Variants in MYPOP observed in about 807,000 individuals in gnomAD.
MYPOP encodes the protein Myb related transcription factor, partner of profilin, also known as myb-related transcription factor, partner of profilin.
In MYPOP, 21 loss-of-function variants were observed where a neutral mutation model predicts 25.7. That is an observed-to-expected ratio of 0.82 (90% CI 0.58 to 1.18). The LOEUF (loss-of-function observed/expected upper bound fraction) is 1.18, where lower values mean the gene tolerates loss of function less well. MYPOP is among the 50% of genes most tolerant of loss of function. The probability of loss-of-function intolerance (pLI) is 0.00; values close to 1 mark genes in which losing one functional copy is unlikely to be tolerated. For synonymous variants in MYPOP, 280 were observed against 247.9 expected, an observed-to-expected ratio of 1.13 and a Z score of -1.22; for missense variants, 566 against 588.3, an observed-to-expected ratio of 0.96 and a Z score of 0.39.
chr19:45,901,152 T>G lies in MYPOP; in HGVS notation c.499+123A>C. The G allele has an allele frequency of 5.3e-6, 5 of 946,798 alleles. No individual in the cohort carries two copies. Among genetic ancestry groups the G allele is most frequent in the Admixed American group, 4.1e-5 (1 of 24,606 alleles). The allele number at this position is 946,798 out of a possible 1,614,324, so 58.6% of individuals were successfully genotyped here. ...TCATTTCATTTTTCTGAGCTTCAGT[T>G]TCCCTAGCTATAAAATGGGGCGAAG... On this transcript the variant is annotated intron_variant, in intron 2 of 2. Transcript: ENST00000322217. This position sits in a 1 kb window ranked among gnomAD's most constrained non-coding sequence, Gnocchi z 5.7.
intron 2 of MYPOP, among the ~76,000 whole-genome samples, chr19:45,892,341 C>G: frequency 6.6e-6 from 1 of 152,146 alleles, no homozygotes; most frequent in African/African-American, 2.4e-5. Flanking sequence ...GTGGACACTT[C>G]CCTGAGACTC....
Position 45,890,700 on chromosome 19 carries a change from GAGGGAGCGGGGCT to G in MYPOP, c.1110_1122del (p.Ala371ArgfsTer31). ...CGCTTGTGTGGGGGGGAGTCGTGCG[GAGGGAGCGGGGCT>G]GGGGGGGGCCGGGGTGCCCCCTCCT... On this transcript the variant is annotated frameshift_variant, in exon 3 of 3. Coordinates refer to ENST00000322217, the MANE Select transcript of MYPOP (RefSeq NM_001012643.4). LOFTEE classifies it high-confidence loss of function. 6.3e-7 allele frequency: 1 copy of G among 1,596,396 alleles called. No individual in the cohort carries two copies. Among genetic ancestry groups the G allele is most frequent in the Non-Finnish European group, 8.5e-7 (1 of 1,170,556 alleles).
Position 45,890,197 on chromosome 19 carries a change from G to A in MYPOP, c.*426C>T, listed in dbSNP as rs191476044. 2.6e-4 allele frequency: 42 copies of A among 161,162 alleles called. No homozygotes were observed. In the East Asian group the frequency reaches 2.8e-3, roughly 11 times the overall value. The allele number at this position is 161,162 out of a possible 1,614,324, so 10.0% of individuals were successfully genotyped here. A position where few individuals can be genotyped will look rare whatever the true frequency, so the allele number is the denominator to read the frequency against. ...CACGGCTATATCCTCTTTGTCATCC[G>A]TATTTTGATTTGTCTTACAACTCCC... On this transcript the variant is annotated 3_prime_UTR_variant, in exon 3 of 3. Coordinates refer to ENST00000322217, the MANE Select transcript of MYPOP (RefSeq NM_001012643.4).
At chr19:45,892,603 C>G (rs1170332286) in intron 2 of MYPOP, among the ~76,000 whole-genome samples, 1 of 152,194 alleles carries the variant, frequency 6.6e-6, no homozygotes, top group Non-Finnish European at 1.5e-5. Context: ...CTCCCCCACC[C>G]TGCTCCTTCC....
At chr19:45,892,541 C>G (rs557876452) in intron 2 of MYPOP, among the ~76,000 whole-genome samples, 44 of 152,110 alleles carry the variant, frequency 2.9e-4, no homozygotes, top group Admixed American at 7.2e-4. Context: ...TGTGTACTCT[C>G]AATTGTCGAA....
In MYPOP at chr19:45,890,598, C is replaced by T. The variant is rs1967102708; in HGVS notation, c.*25G>A. The T allele has an allele frequency of 2.5e-6, 4 of 1,608,500 alleles. No individual in the cohort carries two copies. The highest frequency in any genetic ancestry group is 2.5e-6 in the Non-Finnish European group (3 of 1,177,386). ...TGCGCCAAGCTGGGGAGAGGGGTTG[C>T]AGGCAGGATCATAGATAGTAGATTT... On this transcript the variant is annotated 3_prime_UTR_variant, in exon 3 of 3. Transcript: ENST00000322217.
At chr19:45,895,478 CCTT>C (rs1299051287) in intron 2 of MYPOP, among the ~76,000 whole-genome samples, 1 of 151,986 alleles carries the variant, frequency 6.6e-6, no homozygotes. Flanking sequence ...GGCCCCATCT[CCTT>C]CTTTTTTTCT....
intron 2 of MYPOP, among the ~76,000 whole-genome samples, chr19:45,900,672 A>T (rs1333765148): frequency 6.6e-6 from 1 of 152,188 alleles, no homozygotes; most frequent in African/African-American, 2.4e-5. Flanking sequence ...AAGTTTCTGT[A>T]GTCAGCTCTC....
chr19:45,893,794 T>A (rs1967161430), intron 2 of MYPOP, among the ~76,000 whole-genome samples: 2 of 149,694 alleles, frequency 1.3e-5, no homozygotes, highest in Non-Finnish European at 3.0e-5. Flanking sequence ...TTTTACTTTT[T>A]TTTTTTTTTT....
chr19:45,898,786 C>T (rs1368053177), intron 2 of MYPOP, among the ~76,000 whole-genome samples: 2 of 152,096 alleles, frequency 1.3e-5, no homozygotes, highest in Admixed American at 1.3e-4. Flanking sequence ...TCAGAGAAGC[C>T]CTCCCTGATT....
At position 45,891,136 on chromosome 19, in the gene MYPOP, G is replaced by C; in HGVS notation, c.687C>G (p.Pro229=). ...SPPPPAPPLP[P]PPPLAQVAPS... is the part of the protein sequence containing the mutation. ...GTGCCACTTGGGCCAGTGGCGGTGGGGGTGGCAGTGGAGGGGCTGGGGGTG... is the reference window on the plus strand; with the variant it reads ...GTGCCACTTGGGCCAGTGGCGGTGGCGGTGGCAGTGGAGGGGCTGGGGGTG... Residue 229 remains proline, a synonymous_variant, in exon 3 of 3, where the codon CCC becomes CCG. Transcript: ENST00000322217. The C allele has an allele frequency of 2.0e-6, 3 of 1,489,882 alleles. No homozygotes were observed. The highest frequency in any genetic ancestry group is 2.6e-5 in the South Asian group (2 of 78,100). The allele number at this position is 1,489,882 out of a possible 1,614,324, so 92.3% of individuals were successfully genotyped here. A position where few individuals can be genotyped will look rare whatever the true frequency, so the allele number is the denominator to read the frequency against.
intron 2 of MYPOP, among the ~76,000 whole-genome samples, chr19:45,899,606 G>C (rs564385812): frequency 2.6e-5 from 4 of 152,166 alleles, no homozygotes; most frequent in African/African-American, 9.6e-5. Flanking sequence ...TTGGGAGGCC[G>C]AGGTGGGTGG....
chr19:45,898,503 A>G (rs1967240381), intron 2 of MYPOP, among the ~76,000 whole-genome samples: 1 of 151,756 alleles, frequency 6.6e-6, no homozygotes, highest in Admixed American at 6.6e-5. Context: ...TTGTATTTTT[A>G]GTAGAGACGG....
intron 2 of MYPOP, among the ~76,000 whole-genome samples, chr19:45,891,928 A>T (rs763220358): frequency 8.2e-4 from 125 of 151,772 alleles, no homozygotes; most frequent in Non-Finnish European, 1.1e-3. Flanking sequence ...TTATTTTTTT[A>T]ATTTTTTTTG....
At chr19:45,895,561 G>C (rs1342482316) in intron 2 of MYPOP, among the ~76,000 whole-genome samples, 2 of 152,094 alleles carry the variant, frequency 1.3e-5, no homozygotes, top group Admixed American at 1.3e-4. Flanking sequence ...TGTGTCTGCT[G>C]TCTGTCTCCT....
chr19:45,901,834 A>G lies in MYPOP; in HGVS notation c.-52-9T>C. 3 of 1,308,836 alleles carry G rather than the reference A, an allele frequency of 2.3e-6. No individual in the cohort carries two copies. The South Asian group carries it at 5.6e-5, about 24-fold the overall frequency. The allele number at this position is 1,308,836 out of a possible 1,614,324, so 81.1% of individuals were successfully genotyped here. On this transcript the variant is annotated splice_polypyrimidine_tract_variant and intron_variant, in intron 1 of 2. Transcript: ENST00000322217. This position sits in a 1 kb window ranked among gnomAD's most constrained non-coding sequence, Gnocchi z 5.7. ...CATGGGGGGCGCCGGCGCTGCGGGC[A>G]AAGGGCGCACGGGGCTGGCTGGGGT...
chr19:45,902,105 CGAGGA>C (rs1458382369), intron 1 of MYPOP, among the ~76,000 whole-genome samples: 1 of 137,724 alleles, frequency 7.3e-6, no homozygotes, highest in African/African-American at 2.7e-5. Context: ...AGGAAAAGTG[CGAGGA>C]GAGGAGGTGT....
chr19:45,897,900 C>T (rs1158308486), intron 2 of MYPOP, among the ~76,000 whole-genome samples: 1 of 151,160 alleles, frequency 6.6e-6, no homozygotes, highest in East Asian at 1.9e-4. Flanking sequence ...AACTTTGGAT[C>T]TCAGTTTCCC....
At chr19:45,895,309 A>T (rs1333670664) in intron 2 of MYPOP, among the ~76,000 whole-genome samples, 1 of 150,982 alleles carries the variant, frequency 6.6e-6, no homozygotes, top group Non-Finnish European at 1.5e-5. Flanking sequence ...GCAGTGGTGC[A>T]ATCTCGGCTC....
Sources: allele counts gnomAD v4.1 joint callset (sites outside exome capture counted in the v4.1 genomes callset), GRCh38; gene constraint gnomAD v4.1.1; non-coding constraint Gnocchi (gnomAD v3.1); transcripts MANE v1.5; gene names NCBI Gene and HGNC (gene_info 2026-07-23, HGNC 2026-07-21).